The following CDH10 variants were observed in gnomAD, a reference collection of about 807,000 sequenced individuals.
The protein encoded by CDH10 is cadherin-10.
Under a neutral mutation model 73.1 loss-of-function variants are expected in CDH10, and 30 were observed. That is an observed-to-expected ratio of 0.41 (90% CI 0.31 to 0.56). The LOEUF is 0.56. Ranked by LOEUF, CDH10 falls within the 20% of genes least tolerant of loss-of-function variation. The probability of loss-of-function intolerance (pLI) is 0.27; values close to 1 mark genes in which losing one functional copy is unlikely to be tolerated. For synonymous variants in CDH10, 345 were observed against 348.2 expected (o/e 0.99, Z 0.10); for missense variants, 815 against 973.7 (o/e 0.84, Z 2.17).
At chr5:24,510,816 G>T (rs1256205557) in intron 6 of CDH10, among the ~76,000 whole-genome samples, 1 of 152,162 alleles carries the variant, frequency 6.6e-6, no homozygotes, top group Non-Finnish European at 1.5e-5. Flanking sequence ...CCTTTAGATT[G>T]TATCACTGAG....
At chr5:24,601,603 A>G (rs1746567173) in intron 1 of CDH10, among the ~76,000 whole-genome samples, 1 of 152,186 alleles carries the variant, frequency 6.6e-6, no homozygotes, top group African/African-American at 2.4e-5. Context: ...AGTTCAAAAC[A>G]TTTAAAAATG....
At chr5:24,582,562 C>A (rs1239788808) in intron 2 of CDH10, among the ~76,000 whole-genome samples, 2 of 152,010 alleles carry the variant, frequency 1.3e-5, no homozygotes, top group Non-Finnish European at 2.9e-5. Context: ...GGAGAGGACA[C>A]ATCCATTGAT....
Position 24,487,642 on chromosome 5 carries a change from G to T in CDH10, c.*21C>A, listed in dbSNP as rs765874067. 2.5e-6 allele frequency: 4 copies of T among 1,587,542 alleles called. No homozygotes were observed. Among genetic ancestry groups the T allele is most frequent in the South Asian group, 1.1e-5 (1 of 87,520 alleles). On this transcript the variant is annotated 3_prime_UTR_variant, in exon 12 of 12. Coordinates refer to ENST00000264463, the MANE Select transcript of CDH10 (RefSeq NM_006727.5). ...TGGGTAGAGTTACTTTCTCTTGTTT[G>T]AACAGAACATATATCCTACGTTAAG...
At chr5:24,527,598 A>C (rs982249587) in intron 5 of CDH10, among the ~76,000 whole-genome samples, 1 of 151,876 alleles carries the variant, frequency 6.6e-6, no homozygotes, top group Non-Finnish European at 1.5e-5. Flanking sequence ...TAGGCTACAA[A>C]CCTGTACAGC....
Position 24,535,840 on chromosome 5 carries a change from A to G in CDH10, c.527-18T>C. The stretch of plus-strand genomic sequence containing the variant: ...AGAAGTACCTGAAGTATCCAAATTC[A>G]GCTTAGTTCTGCACAGTACCAGAAG... On this transcript the variant is annotated intron_variant, in intron 3 of 11. Coordinates refer to ENST00000264463, the MANE Select transcript of CDH10 (RefSeq NM_006727.5). 6.2e-7 allele frequency: 1 copy of G among 1,601,192 alleles called. No homozygotes were observed. Among genetic ancestry groups the G allele is most frequent in the Non-Finnish European group, 8.5e-7 (1 of 1,171,962 alleles).
intron 5 of CDH10, among the ~76,000 whole-genome samples, chr5:24,512,307 G>A (rs79420289): frequency 0.023 from 3,543 of 152,144 alleles, 85 homozygotes; most frequent in East Asian, 0.087. Flanking sequence ...CCAACCAAGC[G>A]TGTATTTTTT....
chr5:24,562,635 T>G (rs73743642), intron 2 of CDH10, among the ~76,000 whole-genome samples: 1,658 of 152,274 alleles, frequency 0.011, 30 homozygotes, highest in African/African-American at 0.038. Context: ...TACAAAAATT[T>G]CTGTAGTTAA....
At chr5:24,512,713 G>A (rs187078952) in intron 5 of CDH10, among the ~76,000 whole-genome samples, 1 of 152,278 alleles carries the variant, frequency 6.6e-6, no homozygotes, top group African/African-American at 2.4e-5. Flanking sequence ...TGAGATTTAT[G>A]TTTCAGCACC....
At chr5:24,502,204 G>A (rs1254786180) in intron 8 of CDH10, among the ~76,000 whole-genome samples, 3 of 152,142 alleles carry the variant, frequency 2.0e-5, no homozygotes, top group African/African-American at 4.8e-5. Context: ...TTACAGGCGT[G>A]AGCCACCGCG....
intron 1 of CDH10, among the ~76,000 whole-genome samples, chr5:24,605,364 G>A (rs575902816): frequency 4.9e-4 from 75 of 152,296 alleles, no homozygotes; most frequent in African/African-American, 1.8e-3. Flanking sequence ...TAGAGGGAGG[G>A]GGGATTAGCT....
intron 1 of CDH10, among the ~76,000 whole-genome samples, chr5:24,603,004 C>A: frequency 6.6e-6 from 1 of 152,100 alleles, no homozygotes; most frequent in East Asian, 1.9e-4. Flanking sequence ...ATTTTAATAA[C>A]TTATCTTGGG....
intron 2 of CDH10, among the ~76,000 whole-genome samples, chr5:24,547,451 T>C (rs1579790143): frequency 6.6e-6 from 1 of 152,010 alleles, no homozygotes; most frequent in African/African-American, 2.4e-5. Context: ...GGCTTGAAGG[T>C]GAGTATCTGT....
intron 8 of CDH10, among the ~76,000 whole-genome samples, chr5:24,501,089 T>C (rs1227435592): frequency 6.6e-6 from 1 of 152,184 alleles, no homozygotes; most frequent in East Asian, 1.9e-4. Context: ...TTTTCTGGAA[T>C]GTGCTCTTTA....
chr5:24,638,432 T>C (rs1474685639), intron 1 of CDH10, among the ~76,000 whole-genome samples: 1 of 151,728 alleles, frequency 6.6e-6, no homozygotes, highest in Non-Finnish European at 1.5e-5. Context: ...CACTCAGTAG[T>C]TGAAAACAAA....
chr5:24,583,894 C>T (rs183297683), intron 2 of CDH10, among the ~76,000 whole-genome samples: 6 of 152,230 alleles, frequency 3.9e-5, no homozygotes, highest in African/African-American at 1.2e-4. Flanking sequence ...CCACCTGCCT[C>T]GGCCCCCCAA....
intron 5 of CDH10, among the ~76,000 whole-genome samples, chr5:24,516,552 T>G (rs894503499): frequency 2.0e-5 from 3 of 152,110 alleles, no homozygotes; most frequent in Non-Finnish European, 4.4e-5. Context: ...CTCTCATTTA[T>G]TTTTACTTAT....
chr5:24,610,041 G>T (rs1471809159), intron 1 of CDH10: 1 of 152,368 alleles, frequency 6.6e-6, no homozygotes, highest in Non-Finnish European at 1.5e-5. Context: ...ATGGCAAGGA[G>T]GCCCTGGGCC....
chr5:24,523,138 A>G (rs921032664), intron 5 of CDH10, among the ~76,000 whole-genome samples: 2 of 152,256 alleles, frequency 1.3e-5, no homozygotes, highest in South Asian at 4.1e-4. Context: ...TGGGGAGAAC[A>G]GAATGATGGG....
intron 5 of CDH10, among the ~76,000 whole-genome samples, chr5:24,515,009 T>C (rs1435840835): frequency 2.6e-5 from 4 of 152,146 alleles, no homozygotes; most frequent in Non-Finnish European, 5.9e-5. Context: ...ATAAACCACA[T>C]TCAACTAAAT....
Sources: gnomAD v4.1 joint callset for allele counts (sites outside exome capture counted in the v4.1 genomes callset) on GRCh38, gnomAD v4.1.1 for gene constraint, MANE v1.5 for transcripts, NCBI Gene and HGNC (gene_info 2026-07-23, HGNC 2026-07-21) for gene names.